DLC1: variants seen among roughly 807,000 people sequenced by gnomAD.
DLC1 encodes the protein rho GTPase-activating protein 7.
A neutral mutation model predicts 140.3 loss-of-function variants in DLC1; 54 were observed. That is an observed-to-expected ratio of 0.38 (90% CI 0.31 to 0.48). The LOEUF is 0.48. DLC1 is among the 20% of genes least tolerant of loss of function. DLC1 has a pLI of 0.96. For missense variants in DLC1, 2,536 were observed against 1,907.0 expected (o/e 1.33, Z -6.14); for synonymous variants, 986 against 728.1 (o/e 1.35, Z -5.70).
intron 1 of DLC1, among the ~76,000 whole-genome samples, chr8:13,510,171 C>T (rs200502109): frequency 2.3e-5 from 3 of 133,052 alleles, no homozygotes; most frequent in African/African-American, 5.5e-5. Flanking sequence ...ATTCTTTATT[C>T]TTTTTTTTTT....
At chr8:13,482,348 G>T (rs2117122931) in intron 2 of DLC1, among the ~76,000 whole-genome samples, 1 of 152,014 alleles carries the variant, frequency 6.6e-6, no homozygotes, top group Admixed American at 6.6e-5. Context: ...AAGTCAGAGA[G>T]AGAGAGTTTA....
At chr8:13,471,533 G>T (rs951307828) in intron 2 of DLC1, among the ~76,000 whole-genome samples, 1 of 147,442 alleles carries the variant, frequency 6.8e-6, no homozygotes, top group African/African-American at 2.6e-5. Flanking sequence ...GAGGGAGGGA[G>T]GGAAGGAGGG....
At chr8:13,317,618 T>C (rs528855978) in intron 4 of DLC1, among the ~76,000 whole-genome samples, 1 of 152,168 alleles carries the variant, frequency 6.6e-6, no homozygotes, top group South Asian at 2.1e-4. Flanking sequence ...CGCATCTGTA[T>C]TGGGCTGTGT....
At chr8:13,464,869 C>T (rs11774676) in intron 2 of DLC1, among the ~76,000 whole-genome samples, 82,434 of 149,784 alleles carry the variant, frequency 0.55, 22,781 homozygotes, top group East Asian at 0.61. Flanking sequence ...CACCCCATTA[C>T]TGCCAGCAAC....
chr8:13,565,525 T>C (rs1804396237), intron 1 of DLC1, among the ~76,000 whole-genome samples: 1 of 152,192 alleles, frequency 6.6e-6, no homozygotes, highest in Non-Finnish European at 1.5e-5. Context: ...AAAATAAAAT[T>C]TGGGTTGAAT....
At chr8:13,246,082 T>C (rs1457256251) in intron 5 of DLC1, among the ~76,000 whole-genome samples, 1 of 152,096 alleles carries the variant, frequency 6.6e-6, no homozygotes, top group East Asian at 1.9e-4. Flanking sequence ...AGGGTGGTGG[T>C]CCTGAGACAA....
intron 1 of DLC1, chr8:13,568,124 C>G (rs768840473): frequency 1.4e-6 from 1 of 728,032 alleles, no homozygotes; most frequent in Non-Finnish European, 2.1e-6. Context: ...GTTATAAAAA[C>G]TTTTACAAAA....
At chr8:13,538,242 G>C (rs1009666029) in intron 1 of DLC1, among the ~76,000 whole-genome samples, 4 of 152,002 alleles carry the variant, frequency 2.6e-5, no homozygotes, top group Admixed American at 2.0e-4. Flanking sequence ...AGGTGAGCAA[G>C]GGGACCCTCT....
At chr8:13,295,375 G>C (rs529641917) in intron 5 of DLC1, among the ~76,000 whole-genome samples, 1 of 152,306 alleles carries the variant, frequency 6.6e-6, no homozygotes, top group African/African-American at 2.4e-5. Context: ...AACTCTGTGA[G>C]AACTTTTCTA....
intron 5 of DLC1, chr8:13,160,372 T>TATCA (rs1276308567): frequency 3.9e-5 from 6 of 152,264 alleles, no homozygotes; most frequent in Non-Finnish European, 7.3e-5. Flanking sequence ...ATGACTCTGA[T>TATCA]GAGTGGACTG....
intron 2 of DLC1, among the ~76,000 whole-genome samples, chr8:13,468,150 G>A (rs933595104): frequency 6.6e-6 from 1 of 152,072 alleles, no homozygotes; most frequent in Admixed American, 6.5e-5. Context: ...AAAAGTGTTG[G>A]AAAATTATAA....
intron 5 of DLC1, among the ~76,000 whole-genome samples, chr8:13,263,259 A>G (rs1830539059): frequency 6.6e-6 from 1 of 152,016 alleles, no homozygotes. Context: ...ACTTAATATA[A>G]GTTACTGTGA....
At chr8:13,417,035 C>A (rs888404719) in intron 2 of DLC1, among the ~76,000 whole-genome samples, 1 of 151,952 alleles carries the variant, frequency 6.6e-6, no homozygotes, top group African/African-American at 2.4e-5. Flanking sequence ...TGAGAGCAGT[C>A]GGGCTAGTTA....
At chr8:13,312,233 C>T (rs528988372) in intron 4 of DLC1, among the ~76,000 whole-genome samples, 73 of 137,116 alleles carry the variant, frequency 5.3e-4, no homozygotes, top group East Asian at 3.4e-3. Flanking sequence ...TGGTAGCGGG[C>T]GCCTGTAGTC....
chr8:13,525,977 C>T (rs557533166), intron 1 of DLC1, among the ~76,000 whole-genome samples: 2 of 152,160 alleles, frequency 1.3e-5, no homozygotes, highest in East Asian at 3.9e-4. Context: ...GGTTCTATGA[C>T]ATATGTAGAG....
chr8:13,571,618 C>G (rs1424656707), intron 1 of DLC1, among the ~76,000 whole-genome samples: 1 of 152,176 alleles, frequency 6.6e-6, no homozygotes, highest in Non-Finnish European at 1.5e-5. Flanking sequence ...CTGAGGGACA[C>G]TTGCATTGCT....
chr8:13,298,416 T>C (rs887176449), intron 5 of DLC1, among the ~76,000 whole-genome samples: 1 of 152,222 alleles, frequency 6.6e-6, no homozygotes, highest in African/African-American at 2.4e-5. Flanking sequence ...AGCTTTAGAA[T>C]CGTGTTAACT....
chr8:13,466,364 A>ATTTTTTTAT (rs1799941469), intron 2 of DLC1, among the ~76,000 whole-genome samples: 1 of 152,108 alleles, frequency 6.6e-6, no homozygotes, highest in Non-Finnish European at 1.5e-5. Context: ...CTGTTGTTTC[A>ATTTTTTTAT]TGTGTTTTGT....
chr8:13,247,714 A>G (rs1303832064), intron 5 of DLC1, among the ~76,000 whole-genome samples: 1 of 152,228 alleles, frequency 6.6e-6, no homozygotes, highest in Non-Finnish European at 1.5e-5. Flanking sequence ...CTGTCTTTGA[A>G]GATATGTGGA....
Sources: allele counts gnomAD v4.1 joint callset (sites outside exome capture counted in the v4.1 genomes callset), GRCh38; gene constraint gnomAD v4.1.1; transcripts MANE v1.5; gene names NCBI Gene and HGNC (gene_info 2026-07-23, HGNC 2026-07-21).